Variants in DCC observed in about 807,000 individuals in gnomAD.
DCC encodes the protein DCC netrin 1 receptor.
A neutral mutation model predicts 172.5 loss-of-function variants in DCC; 58 were observed. The ratio of observed to expected loss-of-function variants is 0.34; its 90% confidence interval spans 0.27 to 0.42. The LOEUF (loss-of-function observed/expected upper bound fraction) is 0.42, where lower values mean the gene tolerates loss of function less well. DCC is among the 10% of genes least tolerant of loss of function. The probability of loss-of-function intolerance (pLI) is 1.00; values close to 1 mark genes in which losing one functional copy is unlikely to be tolerated. For synonymous variants in DCC, 709 were observed against 644.5 expected, an observed-to-expected ratio of 1.10 and a Z score of -1.52; for missense variants, 1,740 against 1,791.0, an observed-to-expected ratio of 0.97 and a Z score of 0.51.
intron 2 of DCC, among the ~76,000 whole-genome samples, chr18:52,779,578 AG>A (rs1369547293): frequency 6.6e-6 from 1 of 152,168 alleles, no homozygotes; most frequent in Non-Finnish European, 1.5e-5. Context: ...GTTAGTTCCA[AG>A]TCTTTGCTAT....
chr18:53,453,064 C>T (rs1173837883), intron 23 of DCC, among the ~76,000 whole-genome samples: 3 of 151,774 alleles, frequency 2.0e-5, no homozygotes, highest in Non-Finnish European at 4.4e-5. Context: ...TACAGGTGCC[C>T]GCCACCACGC....
At chr18:52,799,492 G>A (rs1047970423) in intron 2 of DCC, among the ~76,000 whole-genome samples, 1 of 152,122 alleles carries the variant, frequency 6.6e-6, no homozygotes, top group Admixed American at 6.5e-5. Context: ...ACCTACAATT[G>A]GGCAAAATCA....
intron 2 of DCC, among the ~76,000 whole-genome samples, chr18:52,842,518 T>C (rs2038823790): frequency 6.6e-6 from 1 of 152,012 alleles, no homozygotes. Context: ...TTGGGGAGGG[T>C]CATCTGCTCA....
chr18:53,263,956 C>T (rs1190674884), intron 12 of DCC, among the ~76,000 whole-genome samples: 1 of 151,984 alleles, frequency 6.6e-6, no homozygotes, highest in Admixed American at 6.6e-5. Context: ...TCCTATAAGG[C>T]ATAGTTTCTG....
intron 20 of DCC, among the ~76,000 whole-genome samples, chr18:53,413,420 A>T (rs1461847168): frequency 7.2e-5 from 11 of 152,252 alleles, no homozygotes. Context: ...GAAAAAAATC[A>T]AGGCACAAAT....
intron 1 of DCC, among the ~76,000 whole-genome samples, chr18:52,710,390 G>A (rs2036275152): frequency 6.6e-6 from 1 of 152,108 alleles, no homozygotes; most frequent in Non-Finnish European, 1.5e-5. Flanking sequence ...ATTAAAATAA[G>A]ATAAAAATAT....
intron 15 of DCC, among the ~76,000 whole-genome samples, chr18:53,384,975 G>C (rs971388225): frequency 2.3e-4 from 33 of 144,576 alleles, no homozygotes; most frequent in Non-Finnish European, 4.4e-4. Context: ...AGCTTCCCGA[G>C]TAGCTGGGAC....
At chr18:52,944,021 G>A (rs2040503136) in intron 5 of DCC, among the ~76,000 whole-genome samples, 1 of 152,182 alleles carries the variant, frequency 6.6e-6, no homozygotes, top group Non-Finnish European at 1.5e-5. Flanking sequence ...GCCTCTCAAA[G>A]TGCTAGGATT....
At chr18:52,341,262 C>T (rs1176568934) in intron 1 of DCC, among the ~76,000 whole-genome samples, 1 of 152,032 alleles carries the variant, frequency 6.6e-6, no homozygotes, top group Non-Finnish European at 1.5e-5. Flanking sequence ...GCAACAGGAG[C>T]AGGCGAGGAG....
intron 5 of DCC, among the ~76,000 whole-genome samples, chr18:52,998,476 A>G (rs1415193715): frequency 1.3e-5 from 2 of 152,088 alleles, no homozygotes; most frequent in Non-Finnish European, 2.9e-5. Context: ...CTTACTGGGA[A>G]ATAAAACAGG....
At chr18:53,159,011 A>G in intron 8 of DCC, among the ~76,000 whole-genome samples, 1 of 151,122 alleles carries the variant, frequency 6.6e-6, no homozygotes. Flanking sequence ...AAAAAGAAGA[A>G]GATGTAGGCA....
chr18:53,223,920 A>G (rs1035477705), intron 12 of DCC, among the ~76,000 whole-genome samples: 15 of 152,186 alleles, frequency 9.9e-5, no homozygotes, highest in African/African-American at 3.4e-4. Context: ...GTGCCTGGCA[A>G]TGTGCTAAGC....
intron 15 of DCC, among the ~76,000 whole-genome samples, chr18:53,375,589 T>C (rs1434219816): frequency 6.6e-6 from 1 of 150,450 alleles, no homozygotes; most frequent in East Asian, 2.0e-4. Flanking sequence ...TAGGTGATCA[T>C]ACAATGTTAC....
At chr18:52,703,757 A>G (rs1159360331) in intron 1 of DCC, among the ~76,000 whole-genome samples, 1 of 151,402 alleles carries the variant, frequency 6.6e-6, no homozygotes, top group African/African-American at 2.4e-5. Flanking sequence ...GTGCTCAGGT[A>G]ACATGACTGT....
In DCC at chr18:52,901,926, C is replaced by A. The variant is rs572337549; in HGVS notation, c.413-4118C>A. Reference sequence around the variant, plus strand: ...TACACTTAACTTTTTATAGTATCTGCAAATTGTGAGTACTATAAAAATTTA... The same window carrying A: ...TACACTTAACTTTTTATAGTATCTGAAAATTGTGAGTACTATAAAAATTTA... On this transcript the variant is annotated intron_variant, in intron 2 of 28. Transcript: ENST00000442544. 5.3e-5 allele frequency among the ~76,000 whole-genome samples: 8 copies of A among 152,224 alleles called. No homozygotes were observed. In the South Asian group the frequency reaches 1.7e-3, roughly 32 times the overall value.
At chr18:52,464,256 G>A (rs974865554) in intron 1 of DCC, among the ~76,000 whole-genome samples, 1 of 152,056 alleles carries the variant, frequency 6.6e-6, no homozygotes, top group African/African-American at 2.4e-5. Flanking sequence ...CTTTTGAATG[G>A]GAAGATGAAA....
chr18:52,784,025 A>G (rs2037605434), intron 2 of DCC, among the ~76,000 whole-genome samples: 2 of 151,956 alleles, frequency 1.3e-5, no homozygotes, highest in Admixed American at 1.3e-4. Flanking sequence ...ACTACCACAC[A>G]CTAGAATTTA....
intron 2 of DCC, among the ~76,000 whole-genome samples, chr18:52,886,259 T>G (rs910574486): frequency 6.6e-6 from 1 of 152,052 alleles, no homozygotes; most frequent in African/African-American, 2.4e-5. Context: ...TGTCCTACAG[T>G]GCCTTTTGAG....
At chr18:53,464,271 G>A (rs115952097) in intron 24 of DCC, among the ~76,000 whole-genome samples, 2,169 of 152,228 alleles carry the variant, frequency 0.014, 63 homozygotes, top group African/African-American at 0.049. Flanking sequence ...CTTCACTTCG[G>A]AAGAATGAAC....
Sources: gnomAD v4.1 joint callset for allele counts (sites outside exome capture counted in the v4.1 genomes callset) on GRCh38, gnomAD v4.1.1 for gene constraint, MANE v1.5 for transcripts, NCBI Gene and HGNC (gene_info 2026-07-23, HGNC 2026-07-21) for gene names.